NKD1: variants seen among roughly 807,000 people sequenced by gnomAD.
NKD1 encodes protein naked cuticle homolog 1.
A neutral mutation model predicts 56.0 loss-of-function variants in NKD1; 21 were observed. The ratio of observed to expected loss-of-function variants is 0.38; its 90% CI spans 0.27 to 0.54. The LOEUF (loss-of-function observed/expected upper bound fraction) is 0.54. Among genes scored for constraint, NKD1 ranks in the 20% least tolerant of loss-of-function variants. The pLI, the probability that NKD1 is intolerant of heterozygous loss-of-function variation, is 0.82. For synonymous variants in NKD1, 263 were observed against 265.7 expected, an observed-to-expected ratio of 0.99 and a Z score of 0.10; for missense variants, 578 against 642.7, an observed-to-expected ratio of 0.90 and a Z score of 1.09.
At position 50,639,406 on chromosome 16, in the gene NKD1, T is replaced by G. The variant is rs901298092; in HGVS notation, c.*5625T>G. Reference sequence around the variant, plus strand: ...AGCTCCATACCTCCAGGAAATGGTGTTGTGGTTGGGCCCGTAGAAAACATT... The same window carrying G: ...AGCTCCATACCTCCAGGAAATGGTGGTGTGGTTGGGCCCGTAGAAAACATT... On this transcript the variant is annotated 3_prime_UTR_variant, in exon 10 of 10. Transcript: ENST00000268459. 6 of 152,134 alleles carry G rather than the reference T, an allele frequency of 3.9e-5. No individual in the cohort carries two copies. The highest frequency in any genetic ancestry group is 7.2e-5 in the African/African-American group (3 of 41,406). The allele number at this position is 152,134 out of a possible 1,614,324, so 9.4% of individuals were successfully genotyped here.
intron 3 of NKD1, among the ~76,000 whole-genome samples, chr16:50,593,431 C>G (rs559751708): frequency 6.6e-6 from 1 of 152,270 alleles, no homozygotes; most frequent in East Asian, 1.9e-4. Flanking sequence ...TTTTTCATAG[C>G]TAGAATTTCT....
At chr16:50,586,529 C>T (rs971984969) in intron 3 of NKD1, among the ~76,000 whole-genome samples, 3 of 151,904 alleles carry the variant, frequency 2.0e-5, no homozygotes, top group Non-Finnish European at 2.9e-5. Flanking sequence ...AATAATAGGC[C>T]CCATCTTCTG....
chr16:50,622,816 G>T (rs1962122817), intron 5 of NKD1, among the ~76,000 whole-genome samples: 1 of 152,092 alleles, frequency 6.6e-6, no homozygotes, highest in South Asian at 2.1e-4. Flanking sequence ...CCGTCAAGGA[G>T]TGCACAGTGT....
rs1960297250 is a variant in NKD1 at position 50,548,731 on chromosome 16, C to T, written c.40C>T (p.Arg14Cys). 6.9e-7 allele frequency: 1 copy of T among 1,447,370 alleles called. No homozygotes were observed. Among genetic ancestry groups the T allele is most frequent in the African/African-American group, 1.5e-5 (1 of 66,964 alleles). 89.7% of individuals were successfully genotyped at this position (1,447,370 alleles called of 1,614,324 possible). The part of the protein sequence containing the change: ...LHSKPAAVCK[R>C]RESPEGDSFA... ...TGTGCCTGCAGCCGCCGTGTGCAAGCGCAGGGAGAGCCCGGAAGGTAGGGG... is the reference window on the plus strand; with the variant it reads ...TGTGCCTGCAGCCGCCGTGTGCAAGTGCAGGGAGAGCCCGGAAGGTAGGGG... The change falls in exon 2 of 10, where the codon CGC becomes TGC. Residue 14 changes from arginine to cysteine, a missense_variant. Transcript: ENST00000268459.
At chr16:50,577,280 C>CT (rs1442633733) in intron 3 of NKD1, among the ~76,000 whole-genome samples, 1 of 152,110 alleles carries the variant, frequency 6.6e-6, no homozygotes, top group African/African-American at 2.4e-5. Context: ...AAATAACCTT[C>CT]TTTTTTCCCT....
chr16:50,568,548 A>G (rs1960813787), intron 3 of NKD1, among the ~76,000 whole-genome samples: 1 of 152,142 alleles, frequency 6.6e-6, no homozygotes, highest in Non-Finnish European at 1.5e-5. Flanking sequence ...GTCTATGGTG[A>G]TCGTTGGCAG....
At position 50,591,790 on chromosome 16, in the gene NKD1, T is replaced by C. The variant is rs4785219; in HGVS notation, c.193-16504T>C. The stretch of plus-strand genomic sequence containing the variant: ...GGGCCCTGTGAAAATAAAATGAGCG[T>C]GCGCCACCTGGGCTGGGGTGCGAGC... On this transcript the variant is annotated intron_variant, in intron 3 of 9. Coordinates refer to ENST00000268459, the MANE Select transcript of NKD1 (RefSeq NM_033119.5). Among the ~76,000 whole-genome samples, 1,448 of 152,324 alleles carry C rather than the reference T, an allele frequency of 9.5e-3. 25 individuals are homozygous for C. The highest frequency in any genetic ancestry group is 0.034 in the African/African-American group (1,396 of 41,576).
intron 5 of NKD1, 69 bp downstream of exon 5, chr16:50,621,777 G>A (rs528564657): frequency 8.9e-7 from 1 of 1,125,532 alleles, no homozygotes; most frequent in South Asian, 1.4e-5. Flanking sequence ...GCTTTGGGAG[G>A]AGGGAAGCTG....
chr16:50,562,143 A>C, intron 3 of NKD1: 1 of 160,488 alleles, frequency 6.2e-6, no homozygotes, highest in Non-Finnish European at 1.3e-5. Flanking sequence ...TGGACTTCTC[A>C]TTGAGCTCTC....
At chr16:50,572,884 G>T in intron 3 of NKD1, 1 of 984,886 alleles carries the variant, frequency 1.0e-6, no homozygotes, top group Non-Finnish European at 1.2e-6. Flanking sequence ...AGGATCATGA[G>T]GTCGGAAGGG....
intron 4 of NKD1, among the ~76,000 whole-genome samples, chr16:50,608,854 G>A (rs1425533903): frequency 1.3e-5 from 2 of 152,144 alleles, no homozygotes; most frequent in Admixed American, 6.5e-5. Context: ...TTAAGATGGG[G>A]TCTTGCTCTG....
At chr16:50,553,181 A>G (rs1369820154) in intron 3 of NKD1, among the ~76,000 whole-genome samples, 5 of 152,304 alleles carry the variant, frequency 3.3e-5, no homozygotes, top group African/African-American at 1.2e-4. Flanking sequence ...TGGACAAGTG[A>G]AAAAGCTTAA....
In NKD1 at chr16:50,598,635, G is replaced by C. The variant is rs1382157117; in HGVS notation, c.193-9659G>C. On this transcript the variant is annotated intron_variant, in intron 3 of 9. Coordinates refer to ENST00000268459, the MANE Select transcript of NKD1 (RefSeq NM_033119.5). The surrounding 1 kb of genome is among the most constrained non-coding windows in gnomAD (Gnocchi z 4.2). ...GTCCCAGGGCCAGGAACTGCTGGCA[G>C]ATGCCGCCCCAGCTGCTTGGTGATC... is the stretch of plus-strand genomic sequence containing the variant. 6.6e-6 allele frequency among the ~76,000 whole-genome samples: 1 copy of C among 152,218 alleles called. No homozygotes were observed. Among genetic ancestry groups the C allele is most frequent in the Non-Finnish European group, 1.5e-5 (1 of 68,050 alleles).
At chr16:50,577,045 A>G (rs1961008490) in intron 3 of NKD1, among the ~76,000 whole-genome samples, 2 of 152,224 alleles carry the variant, frequency 1.3e-5, no homozygotes, top group Admixed American at 6.5e-5. Context: ...CAAGGCAGAA[A>G]GTGATTTGTG....
intron 3 of NKD1, chr16:50,552,468 T>A (rs117131231): frequency 0.045 from 6,788 of 152,310 alleles, 212 homozygotes; most frequent in Non-Finnish European, 0.07. Flanking sequence ...CCCTCTTCCT[T>A]CCTGATGAGG....
At chr16:50,575,181 C>T (rs547970774) in intron 3 of NKD1, 20 of 984,446 alleles carry the variant, frequency 2.0e-5, no homozygotes, top group Middle Eastern at 5.2e-4. Context: ...CCCAGATTTT[C>T]GCTGGAAGGA....
intron 6 of NKD1, among the ~76,000 whole-genome samples, chr16:50,625,874 C>T (rs1567353094): frequency 6.6e-6 from 1 of 152,250 alleles, no homozygotes; most frequent in Non-Finnish European, 1.5e-5. Context: ...TAGGGCCTCT[C>T]TGGAGATGGC....
intron 5 of NKD1, chr16:50,625,277 T>C: frequency 1.7e-6 from 1 of 589,826 alleles, no homozygotes; most frequent in Non-Finnish European, 3.0e-6. Context: ...CAGGCATCCC[T>C]CCCCAGGCCA....
chr16:50,618,254 A>AT (rs992312169), intron 4 of NKD1, among the ~76,000 whole-genome samples: 3 of 152,112 alleles, frequency 2.0e-5, no homozygotes, highest in Non-Finnish European at 4.4e-5. Flanking sequence ...ACCCCCTGAA[A>AT]TTAGGCCCCC....
Sources: allele counts gnomAD v4.1 joint callset (sites outside exome capture counted in the v4.1 genomes callset), GRCh38; gene constraint gnomAD v4.1.1; non-coding constraint Gnocchi (gnomAD v3.1); transcripts MANE v1.5; gene names NCBI Gene and HGNC (gene_info 2026-07-23, HGNC 2026-07-21).